Variants in WDFY3 observed in about 807,000 individuals in gnomAD.
The protein encoded by WDFY3 is WD repeat and FYVE domain containing 3, also known as WD repeat and FYVE domain-containing protein 3.
A neutral mutation model predicts 409.6 loss-of-function variants in WDFY3; 66 were observed. The ratio of observed to expected loss-of-function variants is 0.16; its 90% CI spans 0.13 to 0.20. The LOEUF is 0.20. Among genes scored for constraint, WDFY3 ranks in the 10% least tolerant of loss-of-function variants. The probability of loss-of-function intolerance (pLI) is 1.00; values close to 1 mark genes in which losing one functional copy is unlikely to be tolerated. For synonymous variants in WDFY3, 1,521 were observed against 1,537.1 expected (o/e 0.99, Z 0.25); for missense variants, 3,031 against 4,298.1 (o/e 0.71, Z 8.24).
intron 53 of WDFY3, 52 bp downstream of exon 53, chr4:84,708,857 A>G: frequency 6.3e-7 from 1 of 1,591,214 alleles, no homozygotes; most frequent in South Asian, 1.1e-5. Flanking sequence ...GTCGTATTTT[A>G]AAATTATTTT....
chr4:84,953,108 AAAG>A (rs1385054658), intron 1 of WDFY3, among the ~76,000 whole-genome samples: 1 of 152,160 alleles, frequency 6.6e-6, no homozygotes, highest in African/African-American at 2.4e-5. Context: ...CTTAAAAAAA[AAAG>A]AAGGGGATCT....
chr4:84,779,049 T>C (rs1275488611), intron 26 of WDFY3, among the ~76,000 whole-genome samples: 1 of 152,136 alleles, frequency 6.6e-6, no homozygotes, highest in Non-Finnish European at 1.5e-5. Context: ...TTTTGTGTTA[T>C]AAAGTATTTT....
intron 16 of WDFY3, among the ~76,000 whole-genome samples, chr4:84,802,242 C>G (rs1443724781): frequency 6.7e-6 from 1 of 149,530 alleles, no homozygotes; most frequent in African/African-American, 2.5e-5. Context: ...CCACCGCACC[C>G]GGCAGAAGCA....
rs548485748 is a variant in WDFY3 at position 84,863,597 on chromosome 4, T to A, written c.-31-2975A>T. ...TGAGTTTCGCTATGAGTTGCATGAGTCCCTTATGTACTTAAATTATTACCT... is the reference window on the plus strand; with the variant it reads ...TGAGTTTCGCTATGAGTTGCATGAGACCCTTATGTACTTAAATTATTACCT... On this transcript the variant is annotated intron_variant, in intron 3 of 67. Coordinates refer to ENST00000295888, the MANE Select transcript of WDFY3 (RefSeq NM_014991.6). Among the ~76,000 whole-genome samples, 31 of 152,320 alleles carry A rather than the reference T, an allele frequency of 2.0e-4. No homozygotes were observed. In the South Asian group the frequency reaches 6.2e-3, roughly 31 times the overall value.
intron 51 of WDFY3, among the ~76,000 whole-genome samples, chr4:84,711,152 T>C (rs1291888393): frequency 6.6e-6 from 1 of 152,236 alleles, no homozygotes; most frequent in Non-Finnish European, 1.5e-5. Context: ...AAAGGGCTAC[T>C]AGTTACTGAG....
At chr4:84,790,180 T>C (rs561300524) in intron 21 of WDFY3, among the ~76,000 whole-genome samples, 3 of 151,802 alleles carry the variant, frequency 2.0e-5, no homozygotes, top group Non-Finnish European at 4.4e-5. Flanking sequence ...TGAAACCCCA[T>C]CTCTACTAAA....
In WDFY3 at chr4:84,733,502, G is replaced by T. The variant is rs940004739; in HGVS notation, c.7101C>A (p.Asp2367Glu). Reference protein sequence around the residue: ...LWGPPIGSHLDKWMLEMTEGP... With the variant: ...LWGPPIGSHLEKWMLEMTEGP... ...CTTCTGTCATCTCCAGCATCCACTT[G>T]TCGAGGTGGGAGCCGATGGGAGGGC... Residue 2367 changes from aspartate to glutamate, a missense_variant, in exon 44 of 68, where the codon GAC becomes GAA. Asp to Glu is a conservative substitution (Grantham distance 45). Around this residue, in one of 16 missense-constraint regions of WDFY3, gnomAD observed 98 missense variants for 194.9 expected, o/e 0.50. Coordinates refer to ENST00000295888, the MANE Select transcript of WDFY3 (RefSeq NM_014991.6). 1.2e-6 allele frequency: 2 copies of T among 1,613,778 alleles called. No individual in the cohort carries two copies. The highest frequency in any genetic ancestry group is 1.7e-6 in the Non-Finnish European group (2 of 1,180,008).
chr4:84,795,672 G>A (rs942736292), intron 19 of WDFY3, among the ~76,000 whole-genome samples: 3 of 151,788 alleles, frequency 2.0e-5, no homozygotes, highest in Non-Finnish European at 2.9e-5. Context: ...TGAGGCAGGA[G>A]AAATGCTTGA....
rs1239324708 is a variant in WDFY3 at position 84,794,936 on chromosome 4, T to C, written c.3211A>G (p.Asn1071Asp). 1 of 1,578,074 alleles carries C rather than the reference T, an allele frequency of 6.3e-7. No homozygotes were observed. The highest frequency in any genetic ancestry group is 2.3e-5 in the East Asian group (1 of 44,066). ...PSLAPHNAPT[N>D]NTVTTGLIDG... ...ATAAGACCTGTTGTGACGGTATTAT[T>C]TGTAGGAGCATTATGAGGGGCCAAA... Residue 1071 changes from asparagine (N) to aspartate (D), a missense_variant, in exon 20 of 68, where the codon AAT becomes GAT. Physicochemically the swap from Asn to Asp is conservative, Grantham distance 23. Coordinates refer to ENST00000295888, the MANE Select transcript of WDFY3 (RefSeq NM_014991.6).
chr4:84,758,985 G>A (rs1422130777), intron 32 of WDFY3, among the ~76,000 whole-genome samples: 1 of 152,134 alleles, frequency 6.6e-6, no homozygotes, highest in South Asian at 2.1e-4. Context: ...TTTGTATAAG[G>A]TGTAAGCAAG....
chr4:84,851,553 T>A (rs1759008157), intron 4 of WDFY3, among the ~76,000 whole-genome samples: 1 of 151,428 alleles, frequency 6.6e-6, no homozygotes, highest in South Asian at 2.1e-4. Context: ...AACAAGCAAA[T>A]AAAAGACCCA....
intron 54 of WDFY3, among the ~76,000 whole-genome samples, chr4:84,705,022 G>A (rs1018404155): frequency 6.6e-6 from 1 of 151,920 alleles, no homozygotes; most frequent in Non-Finnish European, 1.5e-5. Flanking sequence ...TTTTTTAAAT[G>A]CAAAAGGGTT....
At position 84,671,657 on chromosome 4, in the gene WDFY3, T is replaced by C. The variant is rs1156392321; in HGVS notation, c.*1211A>G. ...ATTAAATAACTAAATATTAAAATACTGTAATTATATTCATAGCAAAAACAA... is the reference window on the plus strand; with the variant it reads ...ATTAAATAACTAAATATTAAAATACCGTAATTATATTCATAGCAAAAACAA... On this transcript the variant is annotated 3_prime_UTR_variant, in exon 68 of 68. Coordinates refer to ENST00000295888, the MANE Select transcript of WDFY3 (RefSeq NM_014991.6). 1 of 152,486 alleles carries C rather than the reference T, an allele frequency of 6.6e-6. No individual in the cohort carries two copies. Among genetic ancestry groups the C allele is most frequent in the Non-Finnish European group, 1.5e-5 (1 of 68,004 alleles). 9.4% of individuals were successfully genotyped at this position (152,486 alleles called of 1,614,324 possible).
At chr4:84,716,641 A>G (rs1694706016) in intron 49 of WDFY3, among the ~76,000 whole-genome samples, 1 of 150,744 alleles carries the variant, frequency 6.6e-6, no homozygotes, top group Non-Finnish European at 1.5e-5. Flanking sequence ...CTAAAAAAAT[A>G]CAAAAAAATT....
chr4:84,849,077 T>A (rs777844046), intron 5 of WDFY3, among the ~76,000 whole-genome samples: 2 of 152,142 alleles, frequency 1.3e-5, no homozygotes, highest in South Asian at 2.1e-4. Flanking sequence ...CTCCCCTGTA[T>A]CCTTTTTTAT....
At chr4:84,948,440 ATACT>A (rs1248856864) in intron 1 of WDFY3, among the ~76,000 whole-genome samples, 2 of 152,178 alleles carry the variant, frequency 1.3e-5, no homozygotes, top group Admixed American at 6.5e-5. Flanking sequence ...AAAAAAAAAG[ATACT>A]TAGTAGTTCA....
intron 4 of WDFY3, among the ~76,000 whole-genome samples, chr4:84,855,123 G>C (rs1164680130): frequency 6.6e-6 from 1 of 152,134 alleles, no homozygotes; most frequent in Non-Finnish European, 1.5e-5. Flanking sequence ...AATCTGCGTA[G>C]CACTATTCAA....
At chr4:84,892,224 C>T (rs897282222) in intron 3 of WDFY3, among the ~76,000 whole-genome samples, 1 of 151,658 alleles carries the variant, frequency 6.6e-6, no homozygotes, top group Admixed American at 6.6e-5. Context: ...CAATCAACAT[C>T]CTCCATTACA....
intron 67 of WDFY3, among the ~76,000 whole-genome samples, chr4:84,674,878 A>C (rs548962570): frequency 2.6e-5 from 4 of 151,986 alleles, no homozygotes; most frequent in East Asian, 3.9e-4. Flanking sequence ...AAAAAAAATA[A>C]AAATAAAAAT....
Sources: gnomAD v4.1 joint callset for allele counts (sites outside exome capture counted in the v4.1 genomes callset) on GRCh38, gnomAD v4.1.1 for gene constraint, gnomAD v4.1.1 regional missense constraint, MANE v1.5 for transcripts, NCBI Gene and HGNC (gene_info 2026-07-23, HGNC 2026-07-21) for gene names.